The following PHC2 variants were observed in gnomAD, a reference collection of about 807,000 sequenced individuals.
PHC2 encodes the protein polyhomeotic-like protein 2.
PHC2 carries 29 observed loss-of-function variants against 87.4 expected under a neutral mutation model. That is an observed-to-expected ratio of 0.33 (90% CI 0.25 to 0.45). The LOEUF is 0.45. PHC2 is among the 20% of genes least tolerant of loss of function. PHC2 has a pLI of 1.00. For missense variants in PHC2, 857 were observed against 1,136.7 expected (o/e 0.75, Z 3.54); for synonymous variants, 438 against 461.7 (o/e 0.95, Z 0.66).
intron 9 of PHC2, among the ~76,000 whole-genome samples, chr1:33,351,792 A>G (rs755208329): frequency 3.9e-5 from 6 of 151,970 alleles, no homozygotes; most frequent in Non-Finnish European, 7.4e-5. Flanking sequence ...TCTCTACTAA[A>G]AGTACAAAAA....
chr1:33,430,358 T>C (rs1464511515), intron 1 of PHC2, among the ~76,000 whole-genome samples: 1 of 152,120 alleles, frequency 6.6e-6, no homozygotes, highest in Non-Finnish European at 1.5e-5. Context: ...TGTTCTCTCC[T>C]CCCAGTTCCA....
In PHC2 at chr1:33,417,454, A is replaced by G. The variant is rs569034685; in HGVS notation, c.-55+13522T>C. On this transcript the variant is annotated intron_variant, in intron 1 of 14. Transcript: ENST00000683057. ...AATGGTGGAAAAGATACACCATGCA[A>G]ACAATAACCATAAGAAAGCTGCAAT... Among the ~76,000 whole-genome samples the G allele has an allele frequency of 1.6e-4, 25 of 152,306 alleles. No individual in the cohort carries two copies. In the East Asian group the frequency reaches 3.3e-3, roughly 20 times the overall value.
intron 1 of PHC2, among the ~76,000 whole-genome samples, chr1:33,378,522 T>C (rs1648296477): frequency 6.6e-6 from 1 of 152,190 alleles, no homozygotes; most frequent in Non-Finnish European, 1.5e-5. Context: ...TACTTATAAA[T>C]ATAAAAAATA....
chr1:33,341,265 A>G (rs1197058205), intron 9 of PHC2, among the ~76,000 whole-genome samples: 1 of 152,264 alleles, frequency 6.6e-6, no homozygotes, highest in Non-Finnish European at 1.5e-5. Flanking sequence ...CAGAACCCAC[A>G]CTAGAACCCA....
intron 1 of PHC2, among the ~76,000 whole-genome samples, chr1:33,407,801 C>G (rs1223614359): frequency 6.6e-6 from 1 of 152,046 alleles, no homozygotes; most frequent in African/African-American, 2.4e-5. Flanking sequence ...AATTTACATA[C>G]CTAATAATCT....
chr1:33,354,652 G>A, intron 8 of PHC2, 86 bp from the exon 9 acceptor site: 2 of 1,443,910 alleles, frequency 1.4e-6, no homozygotes. Flanking sequence ...TGGAGCTTGG[G>A]AAGCAGGTAA....
rs1014937711 is a variant in PHC2 at position 33,324,773 on chromosome 1, C to T, written c.*92G>A. 52 of 1,402,186 alleles carry T rather than the reference C, an allele frequency of 3.7e-5. No individual in the cohort carries two copies. Among genetic ancestry groups the T allele is most frequent in the African/African-American group, 5.7e-5 (4 of 70,008 alleles). 86.9% of individuals were successfully genotyped at this position (1,402,186 alleles called of 1,614,324 possible). On this transcript the variant is annotated 3_prime_UTR_variant, in exon 15 of 15. Transcript: ENST00000683057. ...CTAGGGAGAGCCCCTGCCCTCCAAC[C>T]GGCCCCATTTCTGGGCCCCTCAGGA... is the stretch of plus-strand genomic sequence containing the variant.
intron 9 of PHC2, among the ~76,000 whole-genome samples, chr1:33,342,346 A>C (rs572146100): frequency 6.6e-6 from 1 of 152,316 alleles, no homozygotes; most frequent in East Asian, 1.9e-4. Context: ...AGCCATTACC[A>C]TACAGCTGAC....
At chr1:33,370,206 C>T (rs1317523043) in intron 5 of PHC2, among the ~76,000 whole-genome samples, 1 of 152,178 alleles carries the variant, frequency 6.6e-6, no homozygotes, top group Non-Finnish European at 1.5e-5. Context: ...CAGGAACTTT[C>T]TCTGTTTCAG....
intron 7 of PHC2, among the ~76,000 whole-genome samples, chr1:33,359,469 A>G (rs1441683540): frequency 6.6e-6 from 1 of 152,234 alleles, no homozygotes; most frequent in Non-Finnish European, 1.5e-5. Context: ...GAGGAATGGC[A>G]GATCTTTTTA....
chr1:33,355,972 A>G (rs1352985149), intron 7 of PHC2, among the ~76,000 whole-genome samples: 2 of 152,218 alleles, frequency 1.3e-5, no homozygotes, highest in Non-Finnish European at 2.9e-5. Context: ...ACATGGTCAT[A>G]TTCAGTCATT....
At chr1:33,379,156 G>T (rs186457006) in intron 1 of PHC2, among the ~76,000 whole-genome samples, 5 of 151,768 alleles carry the variant, frequency 3.3e-5, no homozygotes, top group African/African-American at 1.2e-4. Context: ...CCATGCAGGG[G>T]AGAGAGACTT....
rs374240999 is a variant in PHC2, at chr1:33,375,353, A to G, written c.174+13T>C. 799 of 1,534,460 alleles carry G rather than the reference A, an allele frequency of 5.2e-4. 9 individuals carry two copies. The South Asian group carries it at 9.2e-3, about 18-fold the overall frequency. ...ATTAAGGAGTATAATTCCCAGATCA[A>G]TTAGACTCTTACCTGCACGGTCTGC... On this transcript the variant is annotated intron_variant, in intron 2 of 14. Transcript: ENST00000683057.
intron 1 of PHC2, among the ~76,000 whole-genome samples, chr1:33,401,284 C>G (rs897541972): frequency 2.4e-4 from 36 of 152,038 alleles, no homozygotes; most frequent in Non-Finnish European, 4.9e-4. Context: ...CGAGATTGCA[C>G]CACTGCACTC....
chr1:33,395,449 AAAATAAATAAAT>A (rs57375740), intron 1 of PHC2, among the ~76,000 whole-genome samples: 2 of 150,904 alleles, frequency 1.3e-5, no homozygotes, highest in Non-Finnish European at 3.0e-5. Flanking sequence ...CCTTAAGATA[AAAATAAATAAAT>A]AAATAAATAA....
At chr1:33,381,433 C>A (rs1648485538) in intron 1 of PHC2, among the ~76,000 whole-genome samples, 1 of 152,026 alleles carries the variant, frequency 6.6e-6, no homozygotes, top group Admixed American at 6.5e-5. Flanking sequence ...ACTTCAGTAC[C>A]TTCCATCAAT....
chr1:33,338,873 G>A (rs1646691773), intron 9 of PHC2, among the ~76,000 whole-genome samples: 1 of 152,150 alleles, frequency 6.6e-6, no homozygotes, highest in Non-Finnish European at 1.5e-5. Flanking sequence ...GCTAGGCTTC[G>A]GTGGGGGAAG....
intron 9 of PHC2, among the ~76,000 whole-genome samples, chr1:33,352,790 A>G (rs955828545): frequency 1.3e-5 from 2 of 152,160 alleles, no homozygotes; most frequent in Non-Finnish European, 2.9e-5. Flanking sequence ...CATCCTGATG[A>G]AGGAAGGTGA....
At chr1:33,409,564 TA>T (rs1160262654) in intron 1 of PHC2, among the ~76,000 whole-genome samples, 1 of 152,200 alleles carries the variant, frequency 6.6e-6, no homozygotes, top group East Asian at 1.9e-4. Flanking sequence ...ACTTTTGTAA[TA>T]AAAATAACAT....
Sources: allele counts gnomAD v4.1 joint callset (sites outside exome capture counted in the v4.1 genomes callset), GRCh38; gene constraint gnomAD v4.1.1; transcripts MANE v1.5; gene names NCBI Gene and HGNC (gene_info 2026-07-23, HGNC 2026-07-21).